SAXO1: variants seen among roughly 807,000 people sequenced by gnomAD.
SAXO1 encodes the protein 4930500O09Rik.
SAXO1 carries 21 observed loss-of-function variants against 17.5 expected under a neutral mutation model. That is an observed-to-expected ratio of 1.20 (90% CI 0.85 to 1.72). The LOEUF (loss-of-function observed/expected upper bound fraction) is 1.72, where lower values mean the gene tolerates loss of function less well. Ranked by LOEUF, SAXO1 falls within the 40% of genes most tolerant of loss-of-function variation. The pLI is 0.00. For missense variants in SAXO1, 843 were observed against 596.0 expected, an observed-to-expected ratio of 1.41 and a Z score of -4.32; for synonymous variants, 274 against 216.5, an observed-to-expected ratio of 1.27 and a Z score of -2.33.
At chr9:19,040,595 G>A (rs1005297223) in intron 1 of SAXO1, among the ~76,000 whole-genome samples, 10 of 152,060 alleles carry the variant, frequency 6.6e-5, no homozygotes, top group African/African-American at 2.2e-4. Flanking sequence ...AGTGAGCCAA[G>A]ATGGCGCCAC....
At position 18,970,007 on chromosome 9, in the gene SAXO1, T is replaced by G. The variant is rs140629665; in HGVS notation, c.39-19070A>C. The stretch of plus-strand genomic sequence containing the variant: ...GAAAATTCAAGTTGATGTCTCAGAC[T>G]ATAAGGACACTCCTCTACCCATAAG... On this transcript the variant is annotated intron_variant, in intron 1 of 3. Coordinates refer to ENST00000380534, the MANE Select transcript of SAXO1 (RefSeq NM_153707.4). Among the ~76,000 whole-genome samples, 687 of 152,352 alleles carry G rather than the reference T, an allele frequency of 4.5e-3. 4 individuals carry two copies. Among genetic ancestry groups the G allele is most frequent in the Middle Eastern group, 0.014 (4 of 294 alleles).
intron 1 of SAXO1, among the ~76,000 whole-genome samples, chr9:19,020,040 T>C (rs1291000855): frequency 1.5e-5 from 2 of 132,658 alleles, no homozygotes; most frequent in African/African-American, 2.7e-5. Context: ...AAAAAAAAAG[T>C]GTCCACGTGG....
intron 3 of SAXO1, among the ~76,000 whole-genome samples, chr9:18,931,480 GA>G (rs1442854283): frequency 1.2e-4 from 19 of 152,304 alleles, no homozygotes; most frequent in African/African-American, 4.1e-4. Context: ...CCTTTGTGAA[GA>G]AGTCTGTGTG....
chr9:18,976,913 C>G (rs1431205286), intron 1 of SAXO1, among the ~76,000 whole-genome samples: 1 of 152,238 alleles, frequency 6.6e-6, no homozygotes, highest in African/African-American at 2.4e-5. Context: ...AACGACCCCA[C>G]AAAACCACAA....
At chr9:19,022,033 A>G (rs747857547) in intron 1 of SAXO1, among the ~76,000 whole-genome samples, 4 of 152,242 alleles carry the variant, frequency 2.6e-5, no homozygotes, top group East Asian at 1.9e-4. Flanking sequence ...GCTCTTCACA[A>G]TAAATCTTGC....
chr9:18,941,153 CTT>C (rs1197463711), intron 3 of SAXO1, among the ~76,000 whole-genome samples: 1 of 152,128 alleles, frequency 6.6e-6, no homozygotes, highest in Non-Finnish European at 1.5e-5. Flanking sequence ...TAGAAACTAA[CTT>C]AGCCTGAACT....
At chr9:18,966,358 C>T (rs181222187) in intron 1 of SAXO1, among the ~76,000 whole-genome samples, 177 of 152,286 alleles carry the variant, frequency 1.2e-3, no homozygotes, top group African/African-American at 4.2e-3. Flanking sequence ...CCATTCTGCC[C>T]GTCACTTTCA....
intron 1 of SAXO1, among the ~76,000 whole-genome samples, chr9:18,966,359 G>A (rs185666937): frequency 1.5e-4 from 23 of 152,230 alleles, no homozygotes; most frequent in Middle Eastern, 3.4e-3. Flanking sequence ...CATTCTGCCC[G>A]TCACTTTCAG....
At chr9:19,010,786 G>C (rs1217264645) in intron 1 of SAXO1, among the ~76,000 whole-genome samples, 1 of 152,196 alleles carries the variant, frequency 6.6e-6, no homozygotes, top group East Asian at 1.9e-4. Flanking sequence ...GTGATTACCA[G>C]GGGCAGTGAG....
intron 1 of SAXO1, among the ~76,000 whole-genome samples, chr9:19,021,135 C>T (rs942789793): frequency 6.6e-6 from 1 of 152,216 alleles, no homozygotes; most frequent in African/African-American, 2.4e-5. Context: ...CCACAGGAGA[C>T]AGCCTCATGC....
At chr9:18,931,014 T>C (rs949206132) in intron 3 of SAXO1, among the ~76,000 whole-genome samples, 1 of 152,214 alleles carries the variant, frequency 6.6e-6, no homozygotes, top group Non-Finnish European at 1.5e-5. Context: ...CAGGCACAAT[T>C]TGTAACAGTT....
intron 1 of SAXO1, among the ~76,000 whole-genome samples, chr9:18,952,707 T>C (rs1486365986): frequency 6.6e-6 from 1 of 152,234 alleles, no homozygotes; most frequent in Non-Finnish European, 1.5e-5. Context: ...TTTTAGATAT[T>C]CCTCATCATG....
At chr9:19,037,030 G>T (rs888881225), upstream of SAXO1, among the ~76,000 whole-genome samples, 1 of 152,212 alleles carries the variant, frequency 6.6e-6, no homozygotes, top group Admixed American at 6.5e-5. Context: ...AGTCAAAGGA[G>T]ATCATTTTGG....
intron 1 of SAXO1, among the ~76,000 whole-genome samples, chr9:18,967,303 G>T (rs577671474): frequency 9.9e-4 from 151 of 152,352 alleles, no homozygotes; most frequent in African/African-American, 2.8e-3. Flanking sequence ...TCTCTTCAGA[G>T]TTGGCAGGCA....
intron 1 of SAXO1, among the ~76,000 whole-genome samples, chr9:18,984,803 ATTTCTTTCAAGAACTTTTCCT>A (rs1458346838): frequency 6.6e-6 from 1 of 152,174 alleles, no homozygotes; most frequent in Admixed American, 6.5e-5. Flanking sequence ...AGCACTTTGA[ATTTCTTTCAAGAACTTTTCCT>A]TTGCATTCAC....
At chr9:19,007,070 C>G (rs1322064805) in intron 1 of SAXO1, among the ~76,000 whole-genome samples, 1 of 149,608 alleles carries the variant, frequency 6.7e-6, no homozygotes, top group Non-Finnish European at 1.5e-5. Flanking sequence ...AAAAATAGAC[C>G]AGGTGCTGTG....
chr9:19,010,688 C>T (rs62560429), intron 1 of SAXO1, among the ~76,000 whole-genome samples: 11,081 of 151,984 alleles, frequency 0.073, 498 homozygotes, highest in African/African-American at 0.12. Context: ...ATTTTAAAAA[C>T]GGGTTAAAAA....
intron 1 of SAXO1, among the ~76,000 whole-genome samples, chr9:19,013,267 G>T (rs769617535): frequency 6.6e-6 from 1 of 152,212 alleles, no homozygotes; most frequent in Non-Finnish European, 1.5e-5. Flanking sequence ...ATGCAGGTGG[G>T]TGCCTAAAGA....
chr9:19,013,036 T>G lies in SAXO1; in HGVS notation c.38+19835A>C, dbSNP rs112803665. 8.5e-3 allele frequency among the ~76,000 whole-genome samples: 1,299 copies of G among 152,150 alleles called. 16 individuals are homozygous for G. Among genetic ancestry groups the G allele is most frequent in the Middle Eastern group, 0.054 (16 of 294 alleles). ...CTGCCAACCTTTCACAACCTCCACC[T>G]AGGCTGAAGGTGGCTCCAGAAGCTA... is the stretch of plus-strand genomic sequence containing the variant. On this transcript the variant is annotated intron_variant, in intron 1 of 3. Coordinates refer to ENST00000380534, the MANE Select transcript of SAXO1 (RefSeq NM_153707.4).
Sources: gnomAD v4.1 joint callset for allele counts (sites outside exome capture counted in the v4.1 genomes callset) on GRCh38, gnomAD v4.1.1 for gene constraint, MANE v1.5 for transcripts, NCBI Gene and HGNC (gene_info 2026-07-23, HGNC 2026-07-21) for gene names.